The following ZNF566 variants were observed in gnomAD, a reference collection of about 807,000 sequenced individuals.
The protein encoded by ZNF566 is zinc finger protein 566.
A neutral mutation model predicts 32.8 loss-of-function variants in ZNF566; 27 were observed. The observed-to-expected ratio is 0.82, with a 90% CI of 0.61 to 1.14. The LOEUF is 1.14. Among genes scored for constraint, ZNF566 ranks in the 50% most tolerant of loss-of-function variants. The pLI, the probability that ZNF566 is intolerant of heterozygous loss-of-function variation, is 0.00. For synonymous variants in ZNF566, 154 were observed against 159.5 expected (o/e 0.97, Z 0.26); for missense variants, 402 against 490.4 (o/e 0.82, Z 1.70).
intron 4 of ZNF566, among the ~76,000 whole-genome samples, chr19:36,464,723 G>A (rs530782649): frequency 7.2e-5 from 11 of 152,122 alleles, no homozygotes; most frequent in South Asian, 6.2e-4. Context: ...GCAGTGAGCC[G>A]TGATTGTTCC....
chr19:36,484,416 A>G (rs10407389), intron 1 of ZNF566, among the ~76,000 whole-genome samples: 13,641 of 152,170 alleles, frequency 0.09, 634 homozygotes, highest in African/African-American at 0.13. Flanking sequence ...AAGAAGAGAC[A>G]GCTCTTCCTT....
At chr19:36,463,141 C>G (rs1411852290) in intron 4 of ZNF566, among the ~76,000 whole-genome samples, 1 of 151,268 alleles carries the variant, frequency 6.6e-6, no homozygotes, top group Non-Finnish European at 1.5e-5. Context: ...TGGTTTCTAC[C>G]AAAATTTTAA....
chr19:36,450,787 A>G (rs1445698085), intron 4 of ZNF566, among the ~76,000 whole-genome samples: 1 of 152,238 alleles, frequency 6.6e-6, no homozygotes, highest in South Asian at 2.1e-4. Flanking sequence ...ATTTTTATAA[A>G]TGAAGTTTTA....
chr19:36,488,719 G>A (rs537372680), intron 1 of ZNF566, among the ~76,000 whole-genome samples: 60 of 152,264 alleles, frequency 3.9e-4, no homozygotes, highest in Admixed American at 3.1e-3. Flanking sequence ...AATTAACCGC[G>A]ATTTTATCTA....
Position 36,449,842 on chromosome 19 carries a change from T to C in ZNF566, c.392A>G (p.Glu131Gly). ...DWECNRQFKK[E>G]LGSQGGHFNQ... is the part of the protein sequence containing the mutation. ...GAAATGTCCCCCCTGAGAGCCGAGT[T>C]CTTTCTTAAACTGCCGATTACATTC... is the stretch of plus-strand genomic sequence containing the variant. The change falls in exon 5 of 5, where the codon GAA becomes GGA. Residue 131 changes from glutamate to glycine, a missense_variant. Physicochemically the swap from Glu to Gly is moderately conservative, Grantham distance 98 (BLOSUM62 -2). Transcript: ENST00000452939. 6.2e-7 allele frequency: 1 copy of C among 1,614,164 alleles called. No homozygotes were observed. The highest frequency in any genetic ancestry group is 1.7e-5 in the Admixed American group (1 of 60,024).
At position 36,485,160 on chromosome 19, in the gene ZNF566, T is replaced by G. The variant is rs1268692601; in HGVS notation, c.-60+4326A>C. The stretch of plus-strand genomic sequence containing the variant: ...CAGGCAAACGCAAATTGAAAGATAT[T>G]CTGCAGGCTGGGTGTGGCAATCCCA... On this transcript the variant is annotated intron_variant, in intron 1 of 4. Coordinates refer to ENST00000452939, the MANE Select transcript of ZNF566 (RefSeq NM_001145344.1). Among the ~76,000 whole-genome samples the G allele has an allele frequency of 3.3e-5, 5 of 151,450 alleles. No individual in the cohort carries two copies. The East Asian group carries it at 9.7e-4, about 29-fold the overall frequency.
rs969542016 is a variant in ZNF566 at position 36,445,765 on chromosome 19, G to A, written c.*3212C>T. 1.3e-5 allele frequency: 2 copies of A among 152,400 alleles called. No homozygotes were observed. The highest frequency in any genetic ancestry group is 1.9e-4 in the East Asian group (1 of 5,190). The allele number at this position is 152,400 out of a possible 1,614,324, so 9.4% of individuals were successfully genotyped here. On this transcript the variant is annotated 3_prime_UTR_variant, in exon 5 of 5. Coordinates refer to ENST00000452939, the MANE Select transcript of ZNF566 (RefSeq NM_001145344.1). ...ACCCGGGAGGCGGAGATTGCAGTAA[G>A]CCAAGATTGCGCCATTGCACTCCAG...
At chr19:36,468,831 G>A (rs1157394282) in intron 4 of ZNF566, among the ~76,000 whole-genome samples, 3 of 151,134 alleles carry the variant, frequency 2.0e-5, no homozygotes, top group South Asian at 2.1e-4. Context: ...GGGGGATCAC[G>A]TGAGCCCAGG....
intron 4 of ZNF566, among the ~76,000 whole-genome samples, chr19:36,467,952 G>A (rs992180198): frequency 2.0e-5 from 3 of 151,564 alleles, no homozygotes; most frequent in African/African-American, 2.4e-5. Flanking sequence ...TTGGGAGGCC[G>A]AGGCAGGCCG....
intron 4 of ZNF566, among the ~76,000 whole-genome samples, chr19:36,467,387 A>T (rs917866281): frequency 1.3e-5 from 2 of 148,842 alleles, no homozygotes; most frequent in African/African-American, 5.0e-5. Context: ...GTGAGCGAAG[A>T]TCGCACCGCT....
Position 36,461,691 on chromosome 19 carries a change from A to C in ZNF566, c.232+11220T>G. Among the ~76,000 whole-genome samples the C allele has an allele frequency of 2.6e-5, 4 of 152,074 alleles. No individual in the cohort carries two copies. The East Asian group carries it at 7.7e-4, about 29-fold the overall frequency. On this transcript the variant is annotated intron_variant, in intron 4 of 4. Coordinates refer to ENST00000452939, the MANE Select transcript of ZNF566 (RefSeq NM_001145344.1). ...GTCTCAGAAAAAATAAAATAAAATA[A>C]AATAAAAAAATAAAATAAATCCTAT...
At chr19:36,473,956 G>A (rs759671549) in intron 2 of ZNF566, among the ~76,000 whole-genome samples, 1 of 152,136 alleles carries the variant, frequency 6.6e-6, no homozygotes, top group Non-Finnish European at 1.5e-5. Context: ...ACCTCTAAAA[G>A]CAAGAAACAA....
At chr19:36,470,092 C>A (rs2033725282) in intron 4 of ZNF566, among the ~76,000 whole-genome samples, 1 of 152,114 alleles carries the variant, frequency 6.6e-6, no homozygotes, top group Non-Finnish European at 1.5e-5. Context: ...CTGCTGTAAA[C>A]CTCTAGGTAT....
At chr19:36,485,281 A>G (rs1239300878) in intron 1 of ZNF566, among the ~76,000 whole-genome samples, 1 of 150,558 alleles carries the variant, frequency 6.6e-6, no homozygotes, top group Non-Finnish European at 1.5e-5. Context: ...CAAAAAAAAA[A>G]AAAAAAAGAA....
chr19:36,486,718 A>T (rs947291920), intron 1 of ZNF566, among the ~76,000 whole-genome samples: 1 of 151,842 alleles, frequency 6.6e-6, no homozygotes, highest in Non-Finnish European at 1.5e-5. Flanking sequence ...GAACATTTTT[A>T]AAAAATTTAC....
chr19:36,487,609 T>C (rs756868492), intron 1 of ZNF566, among the ~76,000 whole-genome samples: 1 of 152,120 alleles, frequency 6.6e-6, no homozygotes, highest in Non-Finnish European at 1.5e-5. Context: ...TACATGAAGT[T>C]CAAGAATGTG....
chr19:36,466,398 G>A (rs1342443105), intron 4 of ZNF566, among the ~76,000 whole-genome samples: 2 of 152,130 alleles, frequency 1.3e-5, no homozygotes, highest in Admixed American at 1.3e-4. Flanking sequence ...GGCACAGTAA[G>A]TTGGTTTCAA....
intron 4 of ZNF566, among the ~76,000 whole-genome samples, chr19:36,462,967 A>AAAAAAAAAAAAAAAAAAAAAAAC (rs2033512656): frequency 7.0e-6 from 1 of 142,362 alleles, no homozygotes; most frequent in Non-Finnish European, 1.5e-5. Context: ...AAAAAAAAAA[A>AAAAAAAAAAAAAAAAAAAAAAAC]AAAAAAAAAA....
At chr19:36,474,177 G>A (rs2033831006) in intron 2 of ZNF566, among the ~76,000 whole-genome samples, 1 of 152,130 alleles carries the variant, frequency 6.6e-6, no homozygotes, top group South Asian at 2.1e-4. Context: ...TCAGGAAGTA[G>A]GTAAAGTTTC....
Sources: gnomAD v4.1 joint callset for allele counts (sites outside exome capture counted in the v4.1 genomes callset) on GRCh38, gnomAD v4.1.1 for gene constraint, MANE v1.5 for transcripts, NCBI Gene and HGNC (gene_info 2026-07-23, HGNC 2026-07-21) for gene names.